TSPAN5: variants seen among roughly 807,000 people sequenced by gnomAD.
The protein encoded by TSPAN5 is tetraspanin 5, also known as tetraspanin-5.
TSPAN5 carries 10 observed loss-of-function variants against 37.1 expected under a neutral mutation model. The ratio of observed to expected loss-of-function variants is 0.27; its 90% CI spans 0.17 to 0.46. The LOEUF (loss-of-function observed/expected upper bound fraction) is 0.46. TSPAN5 is among the 20% of genes least tolerant of loss of function. The pLI, the probability that TSPAN5 is intolerant of heterozygous loss-of-function variation, is 1.00. For missense variants in TSPAN5, 195 were observed against 326.6 expected (o/e 0.60, Z 3.11); for synonymous variants, 110 against 118.9 (o/e 0.93, Z 0.48).
intron 4 of TSPAN5, among the ~76,000 whole-genome samples, chr4:98,480,428 G>T (rs2110258015): frequency 6.6e-6 from 1 of 152,272 alleles, no homozygotes; most frequent in East Asian, 1.9e-4. Context: ...AAAACAAGCG[G>T]TTAAATTCAG....
At chr4:98,639,098 C>T (rs1481332518) in intron 1 of TSPAN5, among the ~76,000 whole-genome samples, 1 of 152,156 alleles carries the variant, frequency 6.6e-6, no homozygotes, top group Non-Finnish European at 1.5e-5. Flanking sequence ...GTAAGACATG[C>T]AGGAGCACAA....
intron 1 of TSPAN5, among the ~76,000 whole-genome samples, chr4:98,536,428 G>C (rs1754234826): frequency 6.6e-6 from 1 of 152,172 alleles, no homozygotes; most frequent in Non-Finnish European, 1.5e-5. Flanking sequence ...TCCTGTATGA[G>C]GTGTCCGTCG....
intron 1 of TSPAN5, among the ~76,000 whole-genome samples, chr4:98,600,250 A>G (rs1755853403): frequency 6.6e-6 from 1 of 152,230 alleles, no homozygotes; most frequent in Non-Finnish European, 1.5e-5. Context: ...ATGGCTGCTG[A>G]CTGATGACGG....
intron 7 of TSPAN5, among the ~76,000 whole-genome samples, chr4:98,472,914 A>T (rs963799775): frequency 6.6e-6 from 1 of 152,164 alleles, no homozygotes; most frequent in African/African-American, 2.4e-5. Flanking sequence ...TCTTCTGGAC[A>T]TTTCATATCA....
chr4:98,640,517 C>T (rs1756942911), intron 1 of TSPAN5, among the ~76,000 whole-genome samples: 1 of 152,074 alleles, frequency 6.6e-6, no homozygotes, highest in South Asian at 2.1e-4. Flanking sequence ...CGTTGTTATC[C>T]AGAAAGGAAG....
chr4:98,654,852 G>A (rs1579058816), intron 1 of TSPAN5, among the ~76,000 whole-genome samples: 1 of 152,062 alleles, frequency 6.6e-6, no homozygotes, highest in East Asian at 1.9e-4. Context: ...GTTTTGCTTT[G>A]TTTTGTTTTT....
intron 1 of TSPAN5, among the ~76,000 whole-genome samples, chr4:98,654,496 A>G (rs1757257391): frequency 6.6e-6 from 1 of 152,202 alleles, no homozygotes; most frequent in African/African-American, 2.4e-5. Flanking sequence ...AAGCAGTCTC[A>G]GGGTTTTCTG....
intron 1 of TSPAN5, among the ~76,000 whole-genome samples, chr4:98,568,123 T>C (rs1313875384): frequency 6.6e-6 from 1 of 152,152 alleles, no homozygotes; most frequent in African/African-American, 2.4e-5. Flanking sequence ...TATTTGGCCC[T>C]CACAACAATC....
intron 1 of TSPAN5, among the ~76,000 whole-genome samples, chr4:98,650,586 G>A (rs1368040259): frequency 6.6e-6 from 1 of 152,298 alleles, no homozygotes; most frequent in Non-Finnish European, 1.5e-5. Flanking sequence ...AGGAATTTAA[G>A]GTATGACTGT....
intron 1 of TSPAN5, among the ~76,000 whole-genome samples, chr4:98,546,015 TTG>T (rs1754462174): frequency 1.0e-5 from 1 of 99,364 alleles, no homozygotes; most frequent in Admixed American, 9.8e-5. Context: ...TAATTCTGTA[TTG>T]TGTCTTAATA....
At position 98,587,133 on chromosome 4, in the gene TSPAN5, C is replaced by A. The variant is rs950151; in HGVS notation, c.81+71013G>T. ...ACACATGCCAAGGGCTGCTTCCCAG[C>A]CTGCCTTCAGGAAAAGTGGAGGGCG... On this transcript the variant is annotated intron_variant, in intron 1 of 7. Coordinates refer to ENST00000305798, the MANE Select transcript of TSPAN5 (RefSeq NM_005723.4). Among the ~76,000 whole-genome samples the A allele has an allele frequency of 4.3e-4, 65 of 152,310 alleles. 1 individual carries two copies. Among genetic ancestry groups the A allele is most frequent in the African/African-American group, 1.4e-3 (59 of 41,574 alleles).
intron 2 of TSPAN5, among the ~76,000 whole-genome samples, chr4:98,495,471 C>A (rs1398477091): frequency 6.7e-6 from 1 of 150,248 alleles, no homozygotes; most frequent in East Asian, 2.0e-4. Context: ...CTTGCCCACG[C>A]CAGTGAGCTG....
chr4:98,515,187 C>A (rs745348898), intron 1 of TSPAN5, among the ~76,000 whole-genome samples: 6 of 152,256 alleles, frequency 3.9e-5, no homozygotes, highest in Non-Finnish European at 7.4e-5. Flanking sequence ...GCTTTGCAGG[C>A]TGTGGTGAGG....
chr4:98,549,228 A>G (rs556338732), intron 1 of TSPAN5, among the ~76,000 whole-genome samples: 1 of 152,242 alleles, frequency 6.6e-6, no homozygotes, highest in East Asian at 1.9e-4. Flanking sequence ...AGTCTGTTGA[A>G]TAACAACCAT....
At chr4:98,612,865 T>G (rs555177136) in intron 1 of TSPAN5, among the ~76,000 whole-genome samples, 19 of 152,356 alleles carry the variant, frequency 1.2e-4, no homozygotes, top group Admixed American at 1.1e-3. Context: ...AGTTTTCAGC[T>G]GCGGTCTCAC....
rs374997947 is a variant in TSPAN5 at position 98,556,037 on chromosome 4, A to ACCC, written c.82-48312_82-48310dup. Among the ~76,000 whole-genome samples, 52 of 63,370 alleles carry ACCC rather than the reference A, an allele frequency of 8.2e-4. 3 individuals are homozygous for ACCC. Among genetic ancestry groups the ACCC allele is most frequent in the East Asian group, 6.5e-3 (14 of 2,162 alleles). The allele number at this position is 63,370 out of a possible 152,430, so 41.6% of individuals were successfully genotyped here. ...CAGCACACACCCCCACACACACAGC[A>ACCC]CCCCCACACACACACACACACACAC... On this transcript the variant is annotated intron_variant, in intron 1 of 7. Coordinates refer to ENST00000305798, the MANE Select transcript of TSPAN5 (RefSeq NM_005723.4).
intron 1 of TSPAN5, among the ~76,000 whole-genome samples, chr4:98,640,130 A>C (rs1756933174): frequency 6.9e-6 from 1 of 145,464 alleles, no homozygotes; most frequent in Admixed American, 6.8e-5. Flanking sequence ...CGTTTGCAAC[A>C]AAAAAAAAAC....
intron 1 of TSPAN5, among the ~76,000 whole-genome samples, chr4:98,569,267 T>C (rs1326347553): frequency 6.6e-6 from 1 of 152,204 alleles, no homozygotes; most frequent in Non-Finnish European, 1.5e-5. Flanking sequence ...TCTATTCTCA[T>C]TTTAAGGCAG....
At chr4:98,617,102 C>G (rs1291210978) in intron 1 of TSPAN5, among the ~76,000 whole-genome samples, 9 of 152,106 alleles carry the variant, frequency 5.9e-5, no homozygotes, top group Non-Finnish European at 2.9e-5. Context: ...GGGATTAGAG[C>G]TCACAGAAAT....
Sources: gnomAD v4.1 joint callset for allele counts (sites outside exome capture counted in the v4.1 genomes callset) on GRCh38, gnomAD v4.1.1 for gene constraint, MANE v1.5 for transcripts, NCBI Gene and HGNC (gene_info 2026-07-23, HGNC 2026-07-21) for gene names.